The following DHCR7 variants were observed in gnomAD, a reference collection of about 807,000 sequenced individuals.
The protein encoded by DHCR7 is 7-DHC reductase.
In DHCR7, 40 loss-of-function variants were observed where a neutral mutation model predicts 43.3. The observed-to-expected ratio is 0.92, with a 90% CI of 0.72 to 1.20. The LOEUF (loss-of-function observed/expected upper bound fraction) is 1.20. Ranked by LOEUF, DHCR7 falls within the 50% of genes most tolerant of loss-of-function variation. The pLI is 0.00. For missense variants in DHCR7, 608 were observed against 644.6 expected, an observed-to-expected ratio of 0.94 and a Z score of 0.62; for synonymous variants, 298 against 271.4, an observed-to-expected ratio of 1.10 and a Z score of -0.96.
chr11:71,442,500 G>C (rs567247552), intron 4 of DHCR7, 147 bp from the exon 5 acceptor site: 6 of 700,930 alleles, frequency 8.6e-6, no homozygotes, highest in Non-Finnish European at 1.5e-5. Context: ...TGGGCTGTGG[G>C]TTTTGAAGGG....
In DHCR7 at chr11:71,441,336, T is replaced by A. The variant is rs779219548; in HGVS notation, c.517A>T (p.Ile173Phe). Residue 173 changes from isoleucine to phenylalanine, a missense_variant, in exon 6 of 9, where the codon ATC becomes TTC. Ile to Phe is a conservative substitution (Grantham distance 21). Coordinates refer to ENST00000355527, the MANE Select transcript of DHCR7 (RefSeq NM_001360.3). The part of the protein sequence containing the change: ...HLLSWFSPTI[I>F]FDNWIPLLWC... ...AGCAGTGGGATCCAGTTGTCGAAGATGATGGTGGGCGAGAACCAGGACAGG... is the reference window on the plus strand; with the variant it reads ...AGCAGTGGGATCCAGTTGTCGAAGAAGATGGTGGGCGAGAACCAGGACAGG... The A allele has an allele frequency of 6.2e-7, 1 of 1,614,160 alleles. No individual in the cohort carries two copies. Among genetic ancestry groups the A allele is most frequent in the East Asian group, 2.2e-5 (1 of 44,886 alleles).
chr11:71,438,343 C>T (rs764996054), intron 7 of DHCR7, among the ~76,000 whole-genome samples: 15 of 152,160 alleles, frequency 9.9e-5, no homozygotes, highest in East Asian at 5.8e-4. Flanking sequence ...CCCTGGGTGA[C>T]GCTTCCGAAT....
At chr11:71,442,571 C>T (rs1949360595) in intron 4 of DHCR7, among the ~76,000 whole-genome samples, 1 of 152,182 alleles carries the variant, frequency 6.6e-6, no homozygotes, top group Admixed American at 6.5e-5. Flanking sequence ...CCCCAGGGCT[C>T]CATTCGCCCC....
chr11:71,435,877 C>G, intron 8 of DHCR7, 38 bp from the exon 9 acceptor site: 1 of 1,554,674 alleles, frequency 6.4e-7, no homozygotes, highest in Non-Finnish European at 8.7e-7. Context: ...CGGTGCTTTG[C>G]CCAGGGAGAG....
intron 7 of DHCR7, 123 bp from the exon 8 acceptor site, chr11:71,438,066 A>C: frequency 7.8e-6 from 9 of 1,147,126 alleles, no homozygotes; most frequent in Middle Eastern, 2.3e-4. Flanking sequence ...CAACTTCCTC[A>C]ATGCTGGGGC....
At chr11:71,436,435 C>T (rs1399934044) in intron 8 of DHCR7, among the ~76,000 whole-genome samples, 2 of 152,190 alleles carry the variant, frequency 1.3e-5, no homozygotes, top group Admixed American at 6.5e-5. Flanking sequence ...GAGGCCAAGG[C>T]GGGCGGATCA....
intron 6 of DHCR7, 55 bp from the exon 7 acceptor site, chr11:71,439,138 A>C (rs1479209969): frequency 2.6e-6 from 4 of 1,536,140 alleles, no homozygotes; most frequent in Non-Finnish European, 3.6e-6. Context: ...TCACAAGATG[A>C]AGCCACCTTA....
intron 6 of DHCR7, among the ~76,000 whole-genome samples, chr11:71,440,384 A>G (rs1239844686): frequency 6.9e-6 from 1 of 145,362 alleles, no homozygotes; most frequent in Non-Finnish European, 1.5e-5. Flanking sequence ...GTGGGTGGGT[A>G]GGTGGATAGG....
intron 8 of DHCR7, among the ~76,000 whole-genome samples, chr11:71,436,403 A>G (rs998827889): frequency 7.2e-5 from 11 of 152,212 alleles, no homozygotes; most frequent in South Asian, 2.1e-4. Context: ...AGTGGCTCAC[A>G]CCTGTAATCC....
At position 71,435,351 on chromosome 11, in the gene DHCR7, A is replaced by T. The variant is rs1049706556; in HGVS notation, c.*24T>A. 3 of 1,608,812 alleles carry T rather than the reference A, an allele frequency of 1.9e-6. No homozygotes were observed. The African/African-American group carries it at 4.0e-5, about 21-fold the overall frequency. ...CAGAACACGCTCTTGACAGCCCCAC[A>T]GGGCTTCTCCCTAGGGCGTGCCCTT... On this transcript the variant is annotated 3_prime_UTR_variant, in exon 9 of 9. Coordinates refer to ENST00000355527, the MANE Select transcript of DHCR7 (RefSeq NM_001360.3).
At chr11:71,446,933 G>A (rs993734497) in intron 2 of DHCR7, among the ~76,000 whole-genome samples, 32 of 152,238 alleles carry the variant, frequency 2.1e-4, no homozygotes. Flanking sequence ...ACGCTAGTGA[G>A]TCTGATCTCA....
intron 7 of DHCR7, chr11:71,438,666 GC>G: frequency 1.6e-6 from 1 of 627,164 alleles, no homozygotes; most frequent in Non-Finnish European, 2.9e-6. Flanking sequence ...CGTAGAACCT[GC>G]CTCCTCCCCT....
At chr11:71,442,035 G>C (rs1949353463) in intron 5 of DHCR7, among the ~76,000 whole-genome samples, 1 of 152,208 alleles carries the variant, frequency 6.6e-6, no homozygotes, top group African/African-American at 2.4e-5. Context: ...CTGGGAAGGA[G>C]CTGGGCCATC....
chr11:71,444,075 G>T lies in DHCR7; in HGVS notation c.239C>A (p.Ala80Asp). 1 of 1,613,778 alleles carries T rather than the reference G, an allele frequency of 6.2e-7. No individual in the cohort carries two copies. Among genetic ancestry groups the T allele is most frequent in the Middle Eastern group, 1.6e-4 (1 of 6,062 alleles). ...GPVVDIVTGH[A>D]RLSDIWAKTP... ...CTTGGCCCAGATGTCCGAGAGCCGA[G>T]CATGTCCGGTGACGATGTCCACCAC... is the stretch of plus-strand genomic sequence containing the variant. Residue 80 changes from alanine to aspartate, a missense_variant, in exon 4 of 9, where the codon GCT (alanine) becomes GAT (aspartate). By Grantham distance (126) the Ala-to-Asp change is moderately radical. Coordinates refer to ENST00000355527, the MANE Select transcript of DHCR7 (RefSeq NM_001360.3).
chr11:71,438,009 A>G (rs1949306293), intron 7 of DHCR7, 66 bp from the exon 8 acceptor site: 2 of 1,594,358 alleles, frequency 1.3e-6, no homozygotes, highest in African/African-American at 1.3e-5. Flanking sequence ...CCTCGGGGAA[A>G]TCACACTCCA....
chr11:71,429,373 A>T (rs1949216640), intron 2 of DHCR7, among the ~76,000 whole-genome samples: 1 of 152,164 alleles, frequency 6.6e-6, no homozygotes, highest in African/African-American at 2.4e-5. Context: ...TCACATTTTG[A>T]TGGGATAGTC....
rs766749461 is a variant in DHCR7, at chr11:71,444,062, G to A, written c.252C>T (p.Asp84=). Residue 84 remains aspartate (D), a synonymous_variant, in exon 4 of 9, where the codon GAC becomes GAT. Coordinates refer to ENST00000355527, the MANE Select transcript of DHCR7 (RefSeq NM_001360.3). ...DIVTGHARLS[D]IWAKTPPITR... is the part of the protein sequence containing the mutation. The stretch of plus-strand genomic sequence containing the variant: ...TTATAGGTGGAGTCTTGGCCCAGAT[G>A]TCCGAGAGCCGAGCATGTCCGGTGA... 6.2e-7 allele frequency: 1 copy of A among 1,613,878 alleles called. No individual in the cohort carries two copies. The highest frequency in any genetic ancestry group is 8.5e-7 in the Non-Finnish European group (1 of 1,179,968).
Position 71,438,999 on chromosome 11 carries a change from C to T in DHCR7, c.711G>A (p.Leu237=). ...CGATCCCGGGGCGCCCATTGAAGAA[C>T]AGCTTGAAGTCAAACCACTTCCCGA... The part of the protein sequence containing the change: ...PRIGKWFDFK[L]FFNGRPGIVA... The change falls in exon 7 of 9, where the codon CTG becomes CTA. Residue 237 remains leucine (L), a synonymous_variant. Coordinates refer to ENST00000355527, the MANE Select transcript of DHCR7 (RefSeq NM_001360.3). The T allele has an allele frequency of 6.2e-7, 1 of 1,614,154 alleles. No individual in the cohort carries two copies.
intron 5 of DHCR7, 112 bp downstream of exon 5, chr11:71,442,150 TG>T (rs1949354443): frequency 1.2e-6 from 1 of 852,646 alleles, no homozygotes; most frequent in Non-Finnish European, 1.9e-6. Flanking sequence ...CCAAGCAAAA[TG>T]GATTTCTATC....
Sources: gnomAD v4.1 joint callset for allele counts (sites outside exome capture counted in the v4.1 genomes callset) on GRCh38, gnomAD v4.1.1 for gene constraint, MANE v1.5 for transcripts, NCBI Gene and HGNC (gene_info 2026-07-23, HGNC 2026-07-21) for gene names.